The following OR1S1 variants were observed in gnomAD, a reference collection of about 807,000 sequenced individuals.
The protein encoded by OR1S1 is olfactory receptor 1S1.
For synonymous variants in OR1S1, 156 were observed against 143.9 expected (o/e 1.08, Z -0.60); for missense variants, 411 against 367.5 (o/e 1.12, Z -0.97).
At chr11:58,215,199 G>C (rs1474971212) in exon 2 of OR1S1, 5 of 1,614,076 alleles carry the variant, frequency 3.1e-6, no homozygotes, top group Non-Finnish European at 4.2e-6. Flanking sequence ...ATGCGGCCCA[G>C]GTTCGGCATT....
chr11:58,214,848 A>G, exon 2 of OR1S1: 2 of 1,614,084 alleles, frequency 1.2e-6, no homozygotes, highest in East Asian at 2.2e-5. Flanking sequence ...AAGCAGGATG[A>G]GCATCAAAAC....
exon 2 of OR1S1, chr11:58,215,611 C>T (rs1565108895): frequency 6.2e-7 from 1 of 1,614,078 alleles, no homozygotes; most frequent in African/African-American, 1.3e-5. Flanking sequence ...TTGGTGCTGT[C>T]CTATTCACTG....
exon 2 of OR1S1, chr11:58,214,938 A>G (rs1393026412): frequency 6.2e-7 from 1 of 1,613,932 alleles, no homozygotes; most frequent in Non-Finnish European, 8.5e-7. Flanking sequence ...ATCAGCTTGG[A>G]TACGTACCTT....
At chr11:58,212,813 C>G (rs1160522195) in exon 1 of OR1S1, 1 of 152,208 alleles carries the variant, frequency 6.6e-6, no homozygotes, top group Non-Finnish European at 1.5e-5. Context: ...CTTAAGAATT[C>G]AGAACAATTT....
At chr11:58,215,043 C>A in exon 2 of OR1S1, 2 of 1,614,140 alleles carry the variant, frequency 1.2e-6, no homozygotes, top group Non-Finnish European at 1.7e-6. Context: ...AATATTCAAA[C>A]CAAGAGTCAA....
At chr11:58,215,228 T>C in exon 2 of OR1S1, 2 of 1,614,154 alleles carry the variant, frequency 1.2e-6, no homozygotes, top group Non-Finnish European at 1.7e-6. Flanking sequence ...AGTCATCTCA[T>C]GGTTCCTCAG....
chr11:58,215,094 C>G, exon 2 of OR1S1: 1 of 1,614,208 alleles, frequency 6.2e-7, no homozygotes, highest in African/African-American at 1.3e-5. Flanking sequence ...ATGTACTTTT[C>G]TATTGTGTTT....
intron 1 of OR1S1, among the ~76,000 whole-genome samples, chr11:58,214,297 G>A (rs1852883116): frequency 6.6e-6 from 1 of 152,188 alleles, no homozygotes; most frequent in Non-Finnish European, 1.5e-5. Flanking sequence ...GGTGTACACT[G>A]CCATAGTGAT....
chr11:58,214,373 T>TTC (rs1852886647), intron 1 of OR1S1, among the ~76,000 whole-genome samples: 1 of 152,202 alleles, frequency 6.6e-6, no homozygotes, highest in African/African-American at 2.4e-5. Flanking sequence ...AATTTCTGTT[T>TTC]TCTTAGATTT....
chr11:58,213,291 T>G (rs965108137), intron 1 of OR1S1, among the ~76,000 whole-genome samples: 35 of 152,214 alleles, frequency 2.3e-4, no homozygotes, highest in Non-Finnish European at 1.3e-4. Context: ...AAAATCATAC[T>G]AGGTCCAGTC....
Position 58,215,134 on chromosome 11 carries a change from C to T in OR1S1, c.351C>T (p.Thr117=), listed in dbSNP as rs182053081. 1.2e-4 allele frequency: 192 copies of T among 1,614,136 alleles called. No homozygotes were observed. The East Asian group carries it at 4.2e-3, about 35-fold the overall frequency. Residue 117 remains threonine, a synonymous_variant, in exon 2 of 2, where the codon ACC becomes ACT. Transcript: ENST00000641544. Reference sequence around the variant, plus strand: ...TCATTGACAATTTGCTCTTGGGGACCATGGCCTATGACCACTTTGTGGCGA... The same window carrying T: ...TCATTGACAATTTGCTCTTGGGGACTATGGCCTATGACCACTTTGTGGCGA...
At chr11:58,215,595 A>T in exon 2 of OR1S1, 1 of 1,614,074 alleles carries the variant, frequency 6.2e-7, no homozygotes, top group Non-Finnish European at 8.5e-7. Flanking sequence ...GAGGACACTG[A>T]TAAGATTGGT....
In OR1S1 at chr11:58,215,233, C is replaced by T. The variant is rs371926401; in HGVS notation, c.450C>T (p.Phe150=). 6 of 1,613,942 alleles carry T rather than the reference C, an allele frequency of 3.7e-6. No individual in the cohort carries two copies. The African/African-American group carries it at 8.0e-5, about 22-fold the overall frequency. The change falls in exon 2 of 2, where the codon TTC becomes TTT. Residue 150 remains phenylalanine (F), a synonymous_variant. Coordinates refer to ENST00000641544, the Ensembl canonical transcript of OR1S1. ...TTTTGCTCACAGTCATCTCATGGTT[C>T]CTCAGTAATATTATTGCTCTGACAC...
exon 2 of OR1S1, chr11:58,216,073 G>GC: frequency 4.6e-6 from 1 of 219,700 alleles, no homozygotes; most frequent in Non-Finnish European, 9.1e-6. Context: ...TCATTAGGGG[G>GC]ACTATAGTAA....
exon 2 of OR1S1, chr11:58,215,082 A>T: frequency 7.4e-6 from 12 of 1,614,148 alleles, no homozygotes; most frequent in Non-Finnish European, 1.0e-5. Flanking sequence ...TGCATCACAC[A>T]GATGTACTTT....
intron 1 of OR1S1, among the ~76,000 whole-genome samples, chr11:58,213,338 C>T (rs1369268978): frequency 3.3e-5 from 5 of 152,154 alleles, no homozygotes; most frequent in African/African-American, 7.2e-5. Flanking sequence ...TTGTGAGAGC[C>T]GTTTACCTTT....
chr11:58,215,503 T>C lies in OR1S1; in HGVS notation c.720T>C (p.Thr240=), dbSNP rs1285070998. 9 of 1,614,046 alleles carry C rather than the reference T, an allele frequency of 5.6e-6. 1 individual carries two copies. The highest frequency in any genetic ancestry group is 5.3e-5 in the African/African-American group (4 of 74,922). Residue 240 remains threonine (T), a synonymous_variant, in exon 2 of 2, where the codon ACT becomes ACC. Coordinates refer to ENST00000641544, the Ensembl canonical transcript of OR1S1. ...AGGGAAAGTGGAAAGCCTTCTCCAC[T>C]TGTGGCTCTCACCTGACAGTTGTAT...
intron 1 of OR1S1, among the ~76,000 whole-genome samples, chr11:58,213,533 T>C (rs1052443563): frequency 3.3e-5 from 5 of 152,242 alleles, no homozygotes; most frequent in African/African-American, 1.2e-4. Context: ...GGAGCATATG[T>C]TCTTCCCTTG....
intron 1 of OR1S1, among the ~76,000 whole-genome samples, chr11:58,213,345 C>T (rs1854977766): frequency 6.6e-6 from 1 of 152,178 alleles, no homozygotes; most frequent in South Asian, 2.1e-4. Context: ...AGCCGTTTAC[C>T]TTTCTGGCCA....
Sources: gnomAD v4.1 joint callset for allele counts (sites outside exome capture counted in the v4.1 genomes callset) on GRCh38, gnomAD v4.1.1 for gene constraint, MANE v1.5 for transcripts, NCBI Gene and HGNC (gene_info 2026-07-23, HGNC 2026-07-21) for gene names.